Variants in CTNNA2 observed in about 807,000 individuals in gnomAD.
CTNNA2 encodes the protein catenin alpha-2.
A neutral mutation model predicts 101.0 loss-of-function variants in CTNNA2; 42 were observed. That is an observed-to-expected ratio of 0.42 (90% CI 0.32 to 0.54). The LOEUF (loss-of-function observed/expected upper bound fraction) is 0.54, where lower values mean the gene tolerates loss of function less well. CTNNA2 is among the 20% of genes least tolerant of loss of function. The pLI is 0.14. For synonymous variants in CTNNA2, 450 were observed against 456.4 expected (o/e 0.99, Z 0.18); for missense variants, 871 against 1,223.1 (o/e 0.71, Z 4.29).
At chr2:79,448,501 A>G (rs1460238528) in intron 4 of CTNNA2, among the ~76,000 whole-genome samples, 3 of 152,066 alleles carry the variant, frequency 2.0e-5, no homozygotes. Context: ...TACAAGGTGC[A>G]TGTTCATCAA....
At chr2:80,007,636 C>G (rs1274297314) in intron 7 of CTNNA2, among the ~76,000 whole-genome samples, 1 of 152,166 alleles carries the variant, frequency 6.6e-6, no homozygotes, top group Non-Finnish European at 1.5e-5. Flanking sequence ...CTAAAGCAAC[C>G]TTCTCTTTCT....
At chr2:79,956,354 C>A (rs1689221344) in intron 7 of CTNNA2, among the ~76,000 whole-genome samples, 2 of 152,060 alleles carry the variant, frequency 1.3e-5, no homozygotes, top group Non-Finnish European at 2.9e-5. Context: ...CGATTATAAA[C>A]ATGATCTTAT....
At chr2:79,237,614 A>G (rs1395261229) in intron 2 of CTNNA2, among the ~76,000 whole-genome samples, 2 of 152,062 alleles carry the variant, frequency 1.3e-5, no homozygotes, top group Non-Finnish European at 2.9e-5. Context: ...TACATTGAAA[A>G]CCTCTTGCTT....
At chr2:80,529,626 A>G (rs982533720) in intron 9 of CTNNA2, among the ~76,000 whole-genome samples, 2 of 152,124 alleles carry the variant, frequency 1.3e-5, no homozygotes, top group Admixed American at 6.5e-5. Context: ...GGATCCCACA[A>G]AAGATTGCAG....
chr2:79,944,907 C>T (rs1688394511), intron 7 of CTNNA2, among the ~76,000 whole-genome samples: 1 of 152,148 alleles, frequency 6.6e-6, no homozygotes, highest in Non-Finnish European at 1.5e-5. Flanking sequence ...ATATAAGTTC[C>T]TTGTATTTCA....
At chr2:80,522,153 C>T (rs548342967) in intron 9 of CTNNA2, among the ~76,000 whole-genome samples, 167 of 152,286 alleles carry the variant, frequency 1.1e-3, no homozygotes, top group African/African-American at 3.8e-3. Flanking sequence ...AGGTCATGTC[C>T]AAAGTCCATA....
At chr2:79,973,784 A>G (rs1258870523) in intron 7 of CTNNA2, among the ~76,000 whole-genome samples, 3 of 152,212 alleles carry the variant, frequency 2.0e-5, no homozygotes, top group African/African-American at 7.2e-5. Flanking sequence ...CCTTAGCTAC[A>G]AGGATCAGTA....
At chr2:80,439,795 C>G (rs997162524) in intron 9 of CTNNA2, among the ~76,000 whole-genome samples, 10 of 152,166 alleles carry the variant, frequency 6.6e-5, no homozygotes, top group African/African-American at 2.4e-4. Context: ...TGGAACACCT[C>G]AGTGAGGAAG....
intron 2 of CTNNA2, among the ~76,000 whole-genome samples, chr2:79,270,756 G>A (rs1675063550): frequency 1.3e-5 from 2 of 152,058 alleles, no homozygotes; most frequent in South Asian, 2.1e-4. Context: ...TAATTTCTTT[G>A]TTACTAGCTC....
intron 7 of CTNNA2, chr2:80,027,972 C>CAAAAAAAAA (rs1177032489): frequency 1.5e-4 from 3 of 19,838 alleles, no homozygotes; most frequent in East Asian, 1.6e-3. Flanking sequence ...GACCCTGTCT[C>CAAAAAAAAA]AAAAAAAAAA....
At chr2:79,664,977 C>A (rs1048958512) in intron 2 of CTNNA2, among the ~76,000 whole-genome samples, 2 of 152,146 alleles carry the variant, frequency 1.3e-5, no homozygotes. Flanking sequence ...TCCCAAAGTG[C>A]TAGGATTACA....
chr2:80,401,137 A>C (rs1323283403), intron 8 of CTNNA2, among the ~76,000 whole-genome samples: 1 of 152,158 alleles, frequency 6.6e-6, no homozygotes, highest in Non-Finnish European at 1.5e-5. Context: ...CACATTTTGC[A>C]GTGGGTTTAG....
At chr2:80,552,198 A>C (rs1692618521) in intron 11 of CTNNA2, among the ~76,000 whole-genome samples, 1 of 152,182 alleles carries the variant, frequency 6.6e-6, no homozygotes, top group Non-Finnish European at 1.5e-5. Flanking sequence ...ATAATGAAAA[A>C]ATTTTGAAAT....
intron 7 of CTNNA2, among the ~76,000 whole-genome samples, chr2:80,220,577 G>A (rs1226247550): frequency 1.3e-5 from 2 of 152,170 alleles, no homozygotes; most frequent in Non-Finnish European, 2.9e-5. Flanking sequence ...AAATTAAAGA[G>A]TTAAGAAAAG....
At chr2:79,829,706 T>C (rs1268703059) in intron 3 of CTNNA2, among the ~76,000 whole-genome samples, 2 of 74,236 alleles carry the variant, frequency 2.7e-5, no homozygotes, top group African/African-American at 1.5e-4. Context: ...ATTTATTTAT[T>C]TATTTATTTA....
In CTNNA2 at chr2:80,322,954, T is replaced by A. The variant is rs553722370; in HGVS notation, c.1057-70257T>A. 4.6e-5 allele frequency among the ~76,000 whole-genome samples: 7 copies of A among 152,344 alleles called. No individual in the cohort carries two copies. In the South Asian group the frequency reaches 1.4e-3, roughly 32 times the overall value. ...CCATTCCAGGCATCACTGAAGGGTA[T>A]GTAATTTGGGAACAGGCAAAAGGGA... On this transcript the variant is annotated intron_variant, in intron 7 of 18. Transcript: ENST00000402739.
intron 8 of CTNNA2, among the ~76,000 whole-genome samples, chr2:80,398,972 G>A (rs975539380): frequency 6.6e-5 from 10 of 150,590 alleles, no homozygotes; most frequent in East Asian, 4.1e-4. Flanking sequence ...GCAATGGTGC[G>A]ATCTCAACTC....
intron 12 of CTNNA2, among the ~76,000 whole-genome samples, chr2:80,569,662 A>ATTTTTTTT (rs1694397916): frequency 1.0e-4 from 1 of 10,032 alleles, no homozygotes. Context: ...TTTTTTTTTG[A>ATTTTTTTT]GATGGAGTCT....
chr2:79,686,845 G>A (rs138923475), intron 2 of CTNNA2, among the ~76,000 whole-genome samples: 2,329 of 152,200 alleles, frequency 0.015, 30 homozygotes, highest in South Asian at 0.05. Context: ...TCTAGAGTGA[G>A]AGAGGCCTGA....
Sources: gnomAD v4.1 joint callset for allele counts (sites outside exome capture counted in the v4.1 genomes callset) on GRCh38, gnomAD v4.1.1 for gene constraint, MANE v1.5 for transcripts, NCBI Gene and HGNC (gene_info 2026-07-23, HGNC 2026-07-21) for gene names.